The following CCDC171 variants were observed in gnomAD, a reference collection of about 807,000 sequenced individuals.
CCDC171 encodes the protein coiled-coil domain-containing protein 171.
In CCDC171, 177 loss-of-function variants were observed where a neutral mutation model predicts 168.2. The ratio of observed to expected loss-of-function variants is 1.05; its 90% CI spans 0.93 to 1.19. The LOEUF (loss-of-function observed/expected upper bound fraction) is 1.19. CCDC171 is among the 50% of genes most tolerant of loss of function. The pLI is 0.00. For synonymous variants in CCDC171, 687 were observed against 540.8 expected, an observed-to-expected ratio of 1.27 and a Z score of -3.75; for missense variants, 1,991 against 1,539.0, an observed-to-expected ratio of 1.29 and a Z score of -4.91.
At chr9:15,604,747 C>G (rs540288801) in intron 6 of CCDC171, among the ~76,000 whole-genome samples, 1 of 152,070 alleles carries the variant, frequency 6.6e-6, no homozygotes, top group Non-Finnish European at 1.5e-5. Context: ...ATATCAAAAG[C>G]TGACCCAGTA....
chr9:15,726,416 C>T (rs9987807), intron 14 of CCDC171, among the ~76,000 whole-genome samples: 5,272 of 152,126 alleles, frequency 0.035, 311 homozygotes, highest in African/African-American at 0.12. Flanking sequence ...TGAGAACAAA[C>T]GTGATCAGTA....
intron 21 of CCDC171, among the ~76,000 whole-genome samples, chr9:15,819,845 A>G (rs1233430452): frequency 1.7e-5 from 2 of 117,886 alleles, no homozygotes; most frequent in East Asian, 4.2e-4. Context: ...AGGACCTAAT[A>G]GACATCTACA....
At chr9:15,607,251 A>T (rs1458769610) in intron 6 of CCDC171, among the ~76,000 whole-genome samples, 1 of 152,160 alleles carries the variant, frequency 6.6e-6, no homozygotes, top group Admixed American at 6.5e-5. Context: ...ACTGGAAACA[A>T]ACAGTAAATT....
chr9:15,857,607 G>A (rs1217098367), intron 23 of CCDC171, among the ~76,000 whole-genome samples: 1 of 151,796 alleles, frequency 6.6e-6, no homozygotes, highest in Non-Finnish European at 1.5e-5. Context: ...ATTTTTAATA[G>A]AGGTGGAGTT....
At chr9:15,789,652 G>T (rs1020330076) in intron 21 of CCDC171, among the ~76,000 whole-genome samples, 2 of 152,108 alleles carry the variant, frequency 1.3e-5, no homozygotes, top group Non-Finnish European at 2.9e-5. Context: ...TGCACAACGT[G>T]CAGAGTTGTT....
chr9:15,823,417 T>C (rs538923357), intron 21 of CCDC171, among the ~76,000 whole-genome samples: 1 of 152,272 alleles, frequency 6.6e-6, no homozygotes, highest in South Asian at 2.1e-4. Flanking sequence ...ATGTTTTCTC[T>C]TCATATACTT....
intron 7 of CCDC171, among the ~76,000 whole-genome samples, chr9:15,633,945 A>T (rs200958646): frequency 6.6e-6 from 1 of 150,564 alleles, no homozygotes; most frequent in East Asian, 2.0e-4. Flanking sequence ...AACACCGCAT[A>T]TTCTCACTCA....
At chr9:15,681,142 C>T (rs941016145) in intron 10 of CCDC171, among the ~76,000 whole-genome samples, 7 of 151,988 alleles carry the variant, frequency 4.6e-5, no homozygotes, top group Non-Finnish European at 8.8e-5. Context: ...CTGTTGGGAC[C>T]GTCTGCACTC....
chr9:15,819,280 A>G (rs142593713), intron 21 of CCDC171, among the ~76,000 whole-genome samples: 3,334 of 117,786 alleles, frequency 0.028, 998 homozygotes, highest in African/African-American at 0.1. Flanking sequence ...AAGAAACTGC[A>G]TCAACTAACG....
Position 15,605,787 on chromosome 9 carries a change from G to A in CCDC171, c.675+11615G>A, listed in dbSNP as rs118099087. ...ACCTCTGATTTCGCTCCTCATGTCA[G>A]GATATAGAAGCATTACGTTTTTACA... is the stretch of plus-strand genomic sequence containing the variant. On this transcript the variant is annotated intron_variant, in intron 6 of 25. Transcript: ENST00000380701. Among the ~76,000 whole-genome samples, 242 of 152,154 alleles carry A rather than the reference G, an allele frequency of 1.6e-3. 2 individuals carry two copies. The highest frequency in any genetic ancestry group is 3.0e-3 in the Non-Finnish European group (202 of 68,014).
chr9:15,852,253 A>G (rs906681938), intron 23 of CCDC171, among the ~76,000 whole-genome samples: 2 of 151,658 alleles, frequency 1.3e-5, no homozygotes, highest in Admixed American at 6.6e-5. Context: ...GTTAGTTTCA[A>G]TTTTTGTTAA....
intron 6 of CCDC171, among the ~76,000 whole-genome samples, chr9:15,612,210 C>T (rs2043750897): frequency 6.6e-6 from 1 of 152,162 alleles, no homozygotes; most frequent in South Asian, 2.1e-4. Flanking sequence ...AGACATTGTG[C>T]CTCCAAATTC....
intron 16 of CCDC171, among the ~76,000 whole-genome samples, 169 bp from the exon 17 acceptor site, chr9:15,744,104 C>T (rs1193556267): frequency 2.0e-5 from 3 of 152,148 alleles, no homozygotes; most frequent in African/African-American, 7.2e-5. Context: ...AGCTGTTTGG[C>T]TCACTGTTGC....
chr9:16,015,274 C>G (rs1034609276), intron 3 of CCDC171, among the ~76,000 whole-genome samples: 2 of 152,138 alleles, frequency 1.3e-5, no homozygotes, highest in African/African-American at 2.4e-5. Flanking sequence ...CAGTCTTTTG[C>G]TAGCCTCAAA....
intron 7 of CCDC171, among the ~76,000 whole-genome samples, chr9:15,639,601 C>G (rs1025097183): frequency 6.6e-6 from 1 of 151,964 alleles, no homozygotes; most frequent in Non-Finnish European, 1.5e-5. Flanking sequence ...TTACAGTGTT[C>G]TCCAGTTTAT....
intron 24 of CCDC171, among the ~76,000 whole-genome samples, chr9:15,879,687 A>C (rs1017375921): frequency 6.6e-6 from 1 of 152,152 alleles, no homozygotes; most frequent in African/African-American, 2.4e-5. Flanking sequence ...GCTCTGCTAC[A>C]TGGCTCTACC....
chr9:15,566,196 T>TG (rs373735524), intron 2 of CCDC171, among the ~76,000 whole-genome samples: 95 of 114,510 alleles, frequency 8.3e-4, no homozygotes, highest in African/African-American at 2.5e-3. Context: ...TTAAATTGTG[T>TG]TTTTTTTTTT....
chr9:15,770,359 C>G (rs1440478327), intron 18 of CCDC171, among the ~76,000 whole-genome samples: 1 of 152,086 alleles, frequency 6.6e-6, no homozygotes. Flanking sequence ...AGTAATCAAA[C>G]TTAAAATATT....
intron 11 of CCDC171, among the ~76,000 whole-genome samples, chr9:15,705,090 C>CAACACACACACA (rs1564250351): frequency 9.3e-5 from 3 of 32,196 alleles, no homozygotes; most frequent in Non-Finnish European, 2.0e-4. Flanking sequence ...AGTATCCTTA[C>CAACACACACACA]GACACACACA....
Sources: gnomAD v4.1 joint callset for allele counts (sites outside exome capture counted in the v4.1 genomes callset) on GRCh38, gnomAD v4.1.1 for gene constraint, MANE v1.5 for transcripts, NCBI Gene and HGNC (gene_info 2026-07-23, HGNC 2026-07-21) for gene names.